ACACA: variants seen among roughly 807,000 people sequenced by gnomAD.
The protein encoded by ACACA is acetyl-CoA carboxylase 1.
Under a neutral mutation model 296.1 loss-of-function variants are expected in ACACA, and 103 were observed. The observed-to-expected ratio is 0.35, with a 90% confidence interval of 0.30 to 0.41. The LOEUF (loss-of-function observed/expected upper bound fraction) is 0.41, where lower values mean the gene tolerates loss of function less well. Ranked by LOEUF, ACACA falls within the 10% of genes least tolerant of loss-of-function variation. ACACA has a pLI of 1.00. For synonymous variants in ACACA, 953 were observed against 1,038.6 expected (o/e 0.92, Z 1.58); for missense variants, 1,554 against 2,989.7 (o/e 0.52, Z 11.20).
At chr17:37,386,052 A>G in intron 1 of ACACA, 1 of 1,606,302 alleles carries the variant, frequency 6.2e-7, no homozygotes, top group Non-Finnish European at 8.5e-7. Flanking sequence ...TGGGGGCTTC[A>G]TCAGAGACTT....
At chr17:37,183,848 CT>C (rs775286104) in intron 39 of ACACA, among the ~76,000 whole-genome samples, 179 of 120,052 alleles carry the variant, frequency 1.5e-3, no homozygotes, top group South Asian at 6.1e-3. Flanking sequence ...AGTTTCAGTC[CT>C]TTTTTTTTTT....
chr17:37,394,006 A>G (rs2050988639), intron 1 of ACACA, among the ~76,000 whole-genome samples: 1 of 152,064 alleles, frequency 6.6e-6, no homozygotes. Context: ...TCCAGTGAAG[A>G]TCTGTAAAAA....
intron 8 of ACACA, among the ~76,000 whole-genome samples, chr17:37,275,664 GTACATCTAAACCCACAA>G (rs1258301508): frequency 2.0e-5 from 3 of 152,082 alleles, no homozygotes; most frequent in Non-Finnish European, 4.4e-5. Context: ...CCTACCCAGA[GTACATCTAAACCCACAA>G]AACCATATAC....
intron 1 of ACACA, among the ~76,000 whole-genome samples, chr17:37,362,343 C>A (rs2049434982): frequency 6.6e-6 from 1 of 152,182 alleles, no homozygotes; most frequent in African/African-American, 2.4e-5. Context: ...ATCCCAGCTA[C>A]CTTCCAACCT....
At chr17:37,275,148 T>C (rs545873953) in intron 8 of ACACA, among the ~76,000 whole-genome samples, 10 of 152,280 alleles carry the variant, frequency 6.6e-5, no homozygotes, top group Admixed American at 4.6e-4. Flanking sequence ...GCAACTGAGG[T>C]TGAATGGTTT....
chr17:37,218,310 CT>C (rs1373630252), intron 29 of ACACA, among the ~76,000 whole-genome samples: 2 of 151,748 alleles, frequency 1.3e-5, no homozygotes, highest in Admixed American at 1.3e-4. Context: ...AGAATACGTG[CT>C]AAATTTCAAA....
At chr17:37,388,344 G>A (rs2050639818) in intron 1 of ACACA, among the ~76,000 whole-genome samples, 1 of 152,158 alleles carries the variant, frequency 6.6e-6, no homozygotes, top group Non-Finnish European at 1.5e-5. Flanking sequence ...AGTAAAAGAA[G>A]TTTAGAGCTC....
chr17:37,385,611 A>C (rs971687543), intron 1 of ACACA, among the ~76,000 whole-genome samples: 1 of 152,196 alleles, frequency 6.6e-6, no homozygotes, highest in African/African-American at 2.4e-5. Flanking sequence ...CACTTGCAGC[A>C]GTCATTAAGG....
chr17:37,381,621 A>T (rs1597753663), intron 1 of ACACA, among the ~76,000 whole-genome samples: 2 of 146,000 alleles, frequency 1.4e-5, no homozygotes. Flanking sequence ...TGTCTCTTCC[A>T]TAGTCTTTTT....
rs749968624 is a variant in ACACA at position 37,377,791 on chromosome 17, C to A, written c.38+28471G>T. The A allele has an allele frequency of 3.2e-5, 34 of 1,068,484 alleles. 1 individual carries two copies. Among genetic ancestry groups the A allele is most frequent in the Non-Finnish European group, 4.8e-5 (34 of 709,586 alleles). The allele number at this position is 1,068,484 out of a possible 1,614,324, so 66.2% of individuals were successfully genotyped here. ...GCAATCTTTCATATCTTCTCCATTG[C>A]CCAGAATTCTAAAAAGTAAGTACCA... On this transcript the variant is annotated intron_variant, in intron 1 of 55. Coordinates refer to ENST00000616317, the MANE Select transcript of ACACA (RefSeq NM_198834.3).
intron 21 of ACACA, among the ~76,000 whole-genome samples, chr17:37,244,198 T>C: frequency 8.3e-6 from 1 of 120,488 alleles, no homozygotes; most frequent in African/African-American, 3.1e-5. Context: ...CCACCTCTAC[T>C]AAAAAAAAAA....
At chr17:37,401,482 T>G (rs549674211) in intron 1 of ACACA, among the ~76,000 whole-genome samples, 1 of 151,986 alleles carries the variant, frequency 6.6e-6, no homozygotes, top group East Asian at 1.9e-4. Flanking sequence ...TTTTGAGCAA[T>G]GTCTTTTCAG....
At chr17:37,261,824 G>A (rs909690193) in intron 11 of ACACA, among the ~76,000 whole-genome samples, 1 of 152,118 alleles carries the variant, frequency 6.6e-6, no homozygotes. Context: ...CGATTGCTAT[G>A]TATTTTTCAT....
chr17:37,329,789 A>G (rs2047786899), intron 3 of ACACA, among the ~76,000 whole-genome samples: 1 of 151,818 alleles, frequency 6.6e-6, no homozygotes, highest in African/African-American at 2.4e-5. Flanking sequence ...AAAACACAAA[A>G]AATTAGCTGG....
At chr17:37,332,399 C>T (rs2047925172) in intron 2 of ACACA, among the ~76,000 whole-genome samples, 1 of 152,010 alleles carries the variant, frequency 6.6e-6, no homozygotes, top group Non-Finnish European at 1.5e-5. Context: ...TCTGTCATCT[C>T]AAAAATCCTA....
At chr17:37,212,859 G>A (rs1272364950) in intron 29 of ACACA, among the ~76,000 whole-genome samples, 2 of 147,540 alleles carry the variant, frequency 1.4e-5, no homozygotes, top group Non-Finnish European at 3.0e-5. Flanking sequence ...GTGGCATATC[G>A]CACACTACTG....
intron 3 of ACACA, among the ~76,000 whole-genome samples, chr17:37,294,928 G>A (rs1195235111): frequency 6.6e-6 from 1 of 152,164 alleles, no homozygotes; most frequent in African/African-American, 2.4e-5. Flanking sequence ...TTTTGTCCCT[G>A]GATGAAGGCC....
At chr17:37,099,557 G>A (rs1305159185) in intron 52 of ACACA, among the ~76,000 whole-genome samples, 14 of 144,390 alleles carry the variant, frequency 9.7e-5, no homozygotes, top group Non-Finnish European at 1.8e-4. Context: ...GAGGGCTGAT[G>A]GCAGGAGGGC....
chr17:37,352,811 C>T (rs886556727), intron 1 of ACACA, among the ~76,000 whole-genome samples: 3 of 152,062 alleles, frequency 2.0e-5, no homozygotes, highest in South Asian at 2.1e-4. Flanking sequence ...TGTGTTAAGG[C>T]ATTATACTTT....
Sources: gnomAD v4.1 joint callset for allele counts (sites outside exome capture counted in the v4.1 genomes callset) on GRCh38, gnomAD v4.1.1 for gene constraint, MANE v1.5 for transcripts, NCBI Gene and HGNC (gene_info 2026-07-23, HGNC 2026-07-21) for gene names.